The following ATM variants were observed in gnomAD, a reference collection of about 807,000 sequenced individuals.
ATM encodes serine-protein kinase ATM.
ATM carries 308 observed loss-of-function variants against 387.0 expected under a neutral mutation model. The ratio of observed to expected loss-of-function variants is 0.80; its 90% CI spans 0.73 to 0.87. ATM has a LOEUF of 0.87. Among genes scored for constraint, ATM ranks in the 40% least tolerant of loss-of-function variants. The pLI is 0.00. For synonymous variants in ATM, 1,156 were observed against 1,187.3 expected (o/e 0.97, Z 0.54); for missense variants, 3,312 against 3,560.9 (o/e 0.93, Z 1.78).
intron 4 of ATM, chr11:108,229,961 A>C (rs1199209377): frequency 6.6e-6 from 1 of 152,508 alleles, no homozygotes; most frequent in East Asian, 1.9e-4. Context: ...TTGGTATTAC[A>C]GATGTGAGCC....
chr11:108,303,590 A>G (rs2083534009), intron 36 of ATM, among the ~76,000 whole-genome samples: 1 of 152,188 alleles, frequency 6.6e-6, no homozygotes, highest in Admixed American at 6.5e-5. Context: ...ATGTGAAAAT[A>G]CAACATCTGA....
intron 56 of ATM, among the ~76,000 whole-genome samples, chr11:108,342,673 TTATG>T (rs2087734539): frequency 6.6e-6 from 1 of 152,198 alleles, no homozygotes; most frequent in Admixed American, 6.5e-5. Flanking sequence ...TTTCTATACT[TTATG>T]TATGTTTATA....
At chr11:108,336,106 CAG>C in intron 56 of ATM, 145 bp downstream of exon 56, 1 of 624,950 alleles carries the variant, frequency 1.6e-6, no homozygotes, top group Non-Finnish European at 2.9e-6. Context: ...AGACCAGCCT[CAG>C]CAACATAGTG....
chr11:108,252,394 T>G (rs932220702), intron 11 of ATM, among the ~76,000 whole-genome samples: 7 of 152,130 alleles, frequency 4.6e-5, no homozygotes, highest in African/African-American at 1.7e-4. Context: ...AAAAGATGTT[T>G]TATGAATGAG....
At chr11:108,317,336 G>T (rs2136160147) in intron 42 of ATM, 37 bp from the exon 43 acceptor site, 7 of 1,596,398 alleles carry the variant, frequency 4.4e-6, no homozygotes, top group South Asian at 2.2e-5. Flanking sequence ...TGATATCTTT[G>T]ATTACTTAAC....
chr11:108,364,363 T>C (rs1161337682), intron 61 of ATM, among the ~76,000 whole-genome samples: 2 of 152,224 alleles, frequency 1.3e-5, no homozygotes, highest in Non-Finnish European at 2.9e-5. Context: ...AGTTAGCTGT[T>C]CTGAACTGCC....
chr11:108,231,209 T>C (rs1224438575), intron 4 of ATM, among the ~76,000 whole-genome samples: 2 of 152,298 alleles, frequency 1.3e-5, no homozygotes, highest in South Asian at 2.1e-4. Flanking sequence ...AGCCAAATAG[T>C]TCCCATCTTT....
rs1165078523 is a variant in ATM, at chr11:108,325,656, T to C, written c.6807+112T>C. Reference sequence around the variant, plus strand: ...GTCATTAAGAGATAGAGATCTCTATTAATATATAGTAAAAATAATTGTTTA... The same window carrying C: ...GTCATTAAGAGATAGAGATCTCTATCAATATATAGTAAAAATAATTGTTTA... On this transcript the variant is annotated intron_variant, in intron 46 of 62. Transcript: ENST00000675843. The C allele has an allele frequency of 6.8e-6, 6 of 888,650 alleles. No homozygotes were observed. In the Admixed American group the frequency reaches 7.9e-5, roughly 12 times the overall value. 55.0% of individuals were successfully genotyped at this position (888,650 alleles called of 1,614,324 possible). A position where few individuals can be genotyped will look rare whatever the true frequency, so the allele number is the denominator to read the frequency against.
chr11:108,310,336 T>C, intron 39 of ATM, 21 bp downstream of exon 39: 1 of 1,608,606 alleles, frequency 6.2e-7, no homozygotes, highest in South Asian at 1.1e-5. Context: ...TTAGAATTTT[T>C]GGTTTTTAAA....
chr11:108,315,018 G>T (rs909324750), intron 40 of ATM, among the ~76,000 whole-genome samples: 1 of 152,118 alleles, frequency 6.6e-6, no homozygotes, highest in Non-Finnish European at 1.5e-5. Context: ...ACTTTTCTCT[G>T]CATCTTGGAA....
At chr11:108,285,278 A>T (rs2082434143) in intron 26 of ATM, among the ~76,000 whole-genome samples, 1 of 150,270 alleles carries the variant, frequency 6.7e-6, no homozygotes, top group East Asian at 2.0e-4. Flanking sequence ...CTTTTGAATT[A>T]TGTTTATTAT....
intron 22 of ATM, among the ~76,000 whole-genome samples, chr11:108,279,125 T>C (rs1311965800): frequency 6.6e-6 from 1 of 152,218 alleles, no homozygotes; most frequent in African/African-American, 2.4e-5. Context: ...AGTGATTAAA[T>C]GTTAGAGCAG....
rs2135293721 is a variant in ATM, at chr11:108,249,038, C to A, written c.1171C>A (p.Leu391Ile). Residue 391 changes from leucine (L) to isoleucine (I), a missense_variant, in exon 9 of 63, where the codon CTA becomes ATA. Around this residue, in one of 4 missense-constraint regions of ATM, gnomAD observed 1,791 missense variants for 1,804.5 expected, o/e 0.99. Coordinates refer to ENST00000675843, the MANE Select transcript of ATM (RefSeq NM_000051.4). ...CCCTTGCAAAAGGAAGAAAATAGAA[C>A]TAGGCTGGGAAGTAATAAAAGATCA... ...SVPCKRKKIELGWEVIKDHLQ... is the reference protein window; with the variant it reads ...SVPCKRKKIEIGWEVIKDHLQ... 1 of 1,613,856 alleles carries A rather than the reference C, an allele frequency of 6.2e-7. No individual in the cohort carries two copies. The highest frequency in any genetic ancestry group is 1.3e-5 in the African/African-American group (1 of 75,006).
intron 31 of ATM, 49 bp downstream of exon 31, chr11:108,293,526 T>C: frequency 6.8e-7 from 1 of 1,480,602 alleles, no homozygotes; most frequent in Middle Eastern, 2.1e-4. Flanking sequence ...AACATAGTAG[T>C]ACTTTTCAAA....
At chr11:108,332,314 C>T (rs1167125198) in intron 52 of ATM, among the ~76,000 whole-genome samples, 1 of 152,086 alleles carries the variant, frequency 6.6e-6, no homozygotes, top group African/African-American at 2.4e-5. Flanking sequence ...CACCTGTAGT[C>T]CCAGCTACTC....
At chr11:108,255,330 A>G (rs958444332) in intron 13 of ATM, among the ~76,000 whole-genome samples, 4 of 151,992 alleles carry the variant, frequency 2.6e-5, no homozygotes, top group African/African-American at 9.7e-5. Context: ...TTTCTCCTAA[A>G]ATGCCGTTTC....
At chr11:108,258,652 A>C (rs1276636107) in intron 15 of ATM, among the ~76,000 whole-genome samples, 1 of 152,188 alleles carries the variant, frequency 6.6e-6, no homozygotes, top group Admixed American at 6.5e-5. Context: ...ATATAGCAAT[A>C]TTATCAACAT....
rs786202728 is a variant in ATM at position 108,310,289 on chromosome 11, G to C, written c.5892G>C (p.Lys1964Asn). The C allele has an allele frequency of 1.1e-5, 18 of 1,613,278 alleles. No individual in the cohort carries two copies. The highest frequency in any genetic ancestry group is 1.6e-4 in the Middle Eastern group (1 of 6,078). ...ALLYAEIYAD[K>N]KSMDDQEKRS... ...TCTATGCAGAAATCTATGCAGATAA[G>C]AAAAGTATGGATGATCAAGAGAAAA... Residue 1964 changes from lysine (K) to asparagine (N), a missense_variant, in exon 39 of 63, where the codon AAG becomes AAC. Physicochemically the swap from Lys to Asn is moderately conservative, Grantham distance 94. Transcript: ENST00000675843.
chr11:108,262,035 T>A (rs1391814623), intron 16 of ATM, among the ~76,000 whole-genome samples: 1 of 151,410 alleles, frequency 6.6e-6, no homozygotes, highest in Non-Finnish European at 1.5e-5. Context: ...ACGGGGAGAA[T>A]GGAACCAAGT....
Sources: allele counts gnomAD v4.1 joint callset (sites outside exome capture counted in the v4.1 genomes callset), GRCh38; gene constraint gnomAD v4.1.1; regional missense constraint gnomAD v4.1.1; transcripts MANE v1.5; gene names NCBI Gene and HGNC (gene_info 2026-07-23, HGNC 2026-07-21).